YRDC: variants seen among roughly 807,000 people sequenced by gnomAD.
The protein encoded by YRDC is yrdC N6-threonylcarbamoyltransferase domain containing, also known as threonylcarbamoyl-AMP synthase.
YRDC carries 17 observed loss-of-function variants against 21.5 expected under a neutral mutation model. That is an observed-to-expected ratio of 0.79 (90% CI 0.54 to 1.19). The LOEUF (loss-of-function observed/expected upper bound fraction) is 1.19. Among genes scored for constraint, YRDC ranks in the 50% most tolerant of loss-of-function variants. The pLI, the probability that YRDC is intolerant of heterozygous loss-of-function variation, is 0.00. For synonymous variants in YRDC, 193 were observed against 176.7 expected (o/e 1.09, Z -0.73); for missense variants, 380 against 397.1 (o/e 0.96, Z 0.37).
In YRDC at chr1:37,807,185, G is replaced by A. The variant is rs373091601; in HGVS notation, c.420C>T (p.Leu140=). The A allele has an allele frequency of 1.8e-5, 29 of 1,613,984 alleles. No homozygotes were observed. Among genetic ancestry groups the A allele is most frequent in the Non-Finnish European group, 2.5e-5 (29 of 1,180,026 alleles). The part of the protein sequence containing the change: ...RYCRVRVPEG[L]LKDLLPGPVT... ...CTGGTCCTGGCAGTAGGTCTTTCAG[G>A]AGCCCCTCAGGTACTCTCACACGGC... The change falls in exon 2 of 5, where the codon CTC becomes CTT. Residue 140 remains leucine (L), a synonymous_variant. Transcript: ENST00000373044.
chr1:37,803,635 C>CA lies in YRDC; in HGVS notation c.*289dup. 1 of 359,648 alleles carries CA rather than the reference C, an allele frequency of 2.8e-6. No homozygotes were observed. Among genetic ancestry groups the CA allele is most frequent in the Non-Finnish European group, 5.0e-6 (1 of 199,686 alleles). The allele number at this position is 359,648 out of a possible 1,614,324, so 22.3% of individuals were successfully genotyped here. A position where few individuals can be genotyped will look rare whatever the true frequency, so the allele number is the denominator to read the frequency against. Reference sequence around the variant, plus strand: ...ATTACTTTTCAATTGAAAAACAAAACAGACAGAAGAAACTTATTAGAATAA... The same window carrying CA: ...ATTACTTTTCAATTGAAAAACAAAACAAGACAGAAGAAACTTATTAGAATAA... On this transcript the variant is annotated 3_prime_UTR_variant, in exon 5 of 5. Coordinates refer to ENST00000373044, the MANE Select transcript of YRDC (RefSeq NM_024640.4).
chr1:37,806,762 G>T, intron 3 of YRDC, 95 bp downstream of exon 3: 1 of 1,570,328 alleles, frequency 6.4e-7, no homozygotes, highest in Non-Finnish European at 8.7e-7. Flanking sequence ...GAACTCTCAT[G>T]CCTGGCCATC....
chr1:37,807,811 G>A lies in YRDC; in HGVS notation c.370C>T (p.Arg124Cys), dbSNP rs1025254401. Residue 124 changes from arginine to cysteine, a missense_variant, in exon 1 of 5, where the codon CGC (arginine) becomes TGC (cysteine). Physicochemically the swap from Arg to Cys is radical, Grantham distance 180 (BLOSUM62 -3). This residue lies in a region of YRDC where 238 missense variants were observed against 236.5 expected (regional missense o/e 1.01). Coordinates refer to ENST00000373044, the MANE Select transcript of YRDC (RefSeq NM_024640.4). ...CCTTACCTGTAGACGTCGGCCACGC[G>A]GCCGAGGCATACGGCCAGAGGCTTG... ...EAKPLAVCLG[R>C]VADVYRYCRV... The A allele has an allele frequency of 2.0e-6, 3 of 1,510,988 alleles. No homozygotes were observed. The highest frequency in any genetic ancestry group is 4.1e-5 in the Admixed American group (2 of 49,042). The allele number at this position is 1,510,988 out of a possible 1,614,324, so 93.6% of individuals were successfully genotyped here. A position where few individuals can be genotyped will look rare whatever the true frequency, so the allele number is the denominator to read the frequency against.
Position 37,804,012 on chromosome 1 carries a change from G to A in YRDC, c.768-15C>T. On this transcript the variant is annotated splice_polypyrimidine_tract_variant and intron_variant, in intron 4 of 4. Coordinates refer to ENST00000373044, the MANE Select transcript of YRDC (RefSeq NM_024640.4). Reference sequence around the variant, plus strand: ...TTTCCAGGGCACTGAGGAGGAAACAGGACAGTTACCAGTCTGACTTCTCAG... The same window carrying A: ...TTTCCAGGGCACTGAGGAGGAAACAAGACAGTTACCAGTCTGACTTCTCAG... 6.2e-7 allele frequency: 1 copy of A among 1,614,092 alleles called. No individual in the cohort carries two copies. The highest frequency in any genetic ancestry group is 1.3e-5 in the African/African-American group (1 of 75,050).
intron 3 of YRDC, among the ~76,000 whole-genome samples, chr1:37,805,829 C>G (rs1646730877): frequency 6.6e-6 from 1 of 152,160 alleles, no homozygotes; most frequent in Admixed American, 6.5e-5. Flanking sequence ...CATCGTATCT[C>G]TATGTGACTG....
intron 2 of YRDC, 24 bp from the exon 3 acceptor site, chr1:37,807,000 C>A: frequency 6.2e-7 from 1 of 1,614,122 alleles, no homozygotes; most frequent in Non-Finnish European, 8.5e-7. Flanking sequence ...GGAAAGGGAT[C>A]ATGAGAAAGG....
chr1:37,803,476 A>G lies in YRDC; in HGVS notation c.*449T>C, dbSNP rs1646715378. 6.2e-6 allele frequency: 1 copy of G among 160,780 alleles called. No homozygotes were observed. The highest frequency in any genetic ancestry group is 1.7e-4 in the South Asian group (1 of 5,820). 10.0% of individuals were successfully genotyped at this position (160,780 alleles called of 1,614,324 possible). Reference sequence around the variant, plus strand: ...CGCCTGGGCCTCCCAGAATGTTGGGATTACAGGCATGAGCCACCACACGCA... The same window carrying G: ...CGCCTGGGCCTCCCAGAATGTTGGGGTTACAGGCATGAGCCACCACACGCA... On this transcript the variant is annotated 3_prime_UTR_variant, in exon 5 of 5. Coordinates refer to ENST00000373044, the MANE Select transcript of YRDC (RefSeq NM_024640.4).
Position 37,808,183 on chromosome 1 carries a change from G to A in YRDC, c.-3C>T. ...CTGCACCGACGCGCCGGAGACATCC[G>A]CCCAGGCCCGCTTCCGGGAGGAAGT... is the stretch of plus-strand genomic sequence containing the variant. On this transcript the variant is annotated 5_prime_UTR_variant, in exon 1 of 5. Coordinates refer to ENST00000373044, the MANE Select transcript of YRDC (RefSeq NM_024640.4). 11 of 1,438,668 alleles carry A rather than the reference G, an allele frequency of 7.6e-6. No individual in the cohort carries two copies. Among genetic ancestry groups the A allele is most frequent in the Non-Finnish European group, 9.1e-6 (10 of 1,100,424 alleles). 89.1% of individuals were successfully genotyped at this position (1,438,668 alleles called of 1,614,324 possible).
At chr1:37,805,896 C>G (rs1203969350) in intron 3 of YRDC, among the ~76,000 whole-genome samples, 2 of 152,130 alleles carry the variant, frequency 1.3e-5, no homozygotes, top group Non-Finnish European at 2.9e-5. Context: ...CAAGGAAGGC[C>G]CAAGGCCTGA....
At position 37,803,637 on chromosome 1, in the gene YRDC, G is replaced by A; in HGVS notation, c.*288C>T. On this transcript the variant is annotated 3_prime_UTR_variant, in exon 5 of 5. Transcript: ENST00000373044. Reference sequence around the variant, plus strand: ...TACTTTTCAATTGAAAAACAAAACAGACAGAAGAAACTTATTAGAATAAGG... The same window carrying A: ...TACTTTTCAATTGAAAAACAAAACAAACAGAAGAAACTTATTAGAATAAGG... The A allele has an allele frequency of 5.4e-6, 2 of 368,716 alleles. No homozygotes were observed. Among genetic ancestry groups the A allele is most frequent in the Admixed American group, 4.2e-5 (1 of 23,864 alleles). The allele number at this position is 368,716 out of a possible 1,614,324, so 22.8% of individuals were successfully genotyped here. A position where few individuals can be genotyped will look rare whatever the true frequency, so the allele number is the denominator to read the frequency against.
At chr1:37,807,325 C>T in intron 1 of YRDC, 110 bp from the exon 2 acceptor site, 1 of 1,006,618 alleles carries the variant, frequency 9.9e-7, no homozygotes. Context: ...ACAATGGGAG[C>T]CGCCTGTCTC....
At chr1:37,804,468 C>T in intron 3 of YRDC, 24 bp from the exon 4 acceptor site, 1 of 1,603,236 alleles carries the variant, frequency 6.2e-7, no homozygotes, top group Non-Finnish European at 8.5e-7. Flanking sequence ...GAAGGAAGAG[C>T]ATGGACACTA....
Position 37,807,907 on chromosome 1 carries a change from C to T in YRDC, c.274G>A (p.Gly92Ser). 1 of 1,362,414 alleles carries T rather than the reference C, an allele frequency of 7.3e-7. No individual in the cohort carries two copies. Among genetic ancestry groups the T allele is most frequent in the Non-Finnish European group, 9.5e-7 (1 of 1,051,122 alleles). The allele number at this position is 1,362,414 out of a possible 1,614,324, so 84.4% of individuals were successfully genotyped here. ...GAGCAGCTCGCCGCGCAGGCCAGGC[C>T]GTACAGCGTATCGGTGGGGACGGCC... ...VVAVPTDTLY[G>S]LACAASCSAA... is the part of the protein sequence containing the mutation. The change falls in exon 1 of 5, where the codon GGC becomes AGC. Residue 92 changes from glycine (G) to serine (S), a missense_variant. Transcript: ENST00000373044.
At chr1:37,805,235 G>A (rs1303471178) in intron 3 of YRDC, among the ~76,000 whole-genome samples, 3 of 152,172 alleles carry the variant, frequency 2.0e-5, no homozygotes, top group Non-Finnish European at 4.4e-5. Flanking sequence ...ACTCCAGCCT[G>A]GGCAAGAGAG....
chr1:37,806,708 A>G, intron 3 of YRDC, 149 bp downstream of exon 3: 1 of 1,263,324 alleles, frequency 7.9e-7, no homozygotes, highest in Non-Finnish European at 1.1e-6. Context: ...ATTGCCCCCC[A>G]CCACCTCCCT....
rs1557577335 is a variant in YRDC at position 37,803,102 on chromosome 1, A to G, written c.*823T>C. The G allele has an allele frequency of 6.6e-6, 1 of 152,248 alleles. No homozygotes were observed. Among genetic ancestry groups the G allele is most frequent in the Admixed American group, 6.5e-5 (1 of 15,288 alleles). 9.4% of individuals were successfully genotyped at this position (152,248 alleles called of 1,614,324 possible). ...AAAGGTGTTATGGGTATAATTAACTATAATTTATTTTATGAATAAATAAGA... is the reference window on the plus strand; with the variant it reads ...AAAGGTGTTATGGGTATAATTAACTGTAATTTATTTTATGAATAAATAAGA... On this transcript the variant is annotated 3_prime_UTR_variant, in exon 5 of 5. Transcript: ENST00000373044.
At position 37,803,905 on chromosome 1, in the gene YRDC, C is replaced by G. The variant is rs757033765; in HGVS notation, c.*20G>C. ...ATAGTATCCAGCACCAGGTCTTGGG[C>G]CTTCCTGCTTCCCAGAGTTTCACAG... is the stretch of plus-strand genomic sequence containing the variant. On this transcript the variant is annotated 3_prime_UTR_variant, in exon 5 of 5. Transcript: ENST00000373044. 4 of 1,613,440 alleles carry G rather than the reference C, an allele frequency of 2.5e-6. No homozygotes were observed. The Admixed American group carries it at 5.0e-5, about 20-fold the overall frequency.
In YRDC at chr1:37,808,158, C is replaced by T. The variant is rs1646755447; in HGVS notation, c.23G>A (p.Arg8Lys). The T allele has an allele frequency of 6.8e-7, 1 of 1,461,876 alleles. No individual in the cohort carries two copies. 90.6% of individuals were successfully genotyped at this position (1,461,876 alleles called of 1,614,324 possible). The change falls in exon 1 of 5, where the codon AGG becomes AAG. Residue 8 changes from arginine (R) to lysine (K), a missense_variant. By Grantham distance (26) the Arg-to-Lys change is conservative. Transcript: ENST00000373044. Reference sequence around the variant, plus strand: ...GGCAGCCACCGCGGCCCTCATCCCCCTGCACCGACGCGCCGGAGACATCCG... The same window carrying T: ...GGCAGCCACCGCGGCCCTCATCCCCTTGCACCGACGCGCCGGAGACATCCG... MSPARRC[R>K]GMRAAVAASV... is the part of the protein sequence containing the mutation.
intron 1 of YRDC, 60 bp from the exon 2 acceptor site, chr1:37,807,275 T>A: frequency 1.3e-6 from 2 of 1,482,364 alleles, no homozygotes; most frequent in Non-Finnish European, 1.9e-6. Flanking sequence ...GGTCCTTTCC[T>A]AGACTCTAGG....
Sources: allele counts gnomAD v4.1 joint callset (sites outside exome capture counted in the v4.1 genomes callset), GRCh38; gene constraint gnomAD v4.1.1; regional missense constraint gnomAD v4.1.1; transcripts MANE v1.5; gene names NCBI Gene and HGNC (gene_info 2026-07-23, HGNC 2026-07-21).